ROBO1: variants seen among roughly 807,000 people sequenced by gnomAD.
ROBO1 encodes roundabout guidance receptor 1, also known as roundabout homolog 1.
Under a neutral mutation model 195.9 loss-of-function variants are expected in ROBO1, and 149 were observed. That is an observed-to-expected ratio of 0.76 (90% CI 0.67 to 0.87). The LOEUF (loss-of-function observed/expected upper bound fraction) is 0.87, where lower values mean the gene tolerates loss of function less well. Among genes scored for constraint, ROBO1 ranks in the 40% least tolerant of loss-of-function variants. ROBO1 has a pLI of 0.00. For missense variants in ROBO1, 1,933 were observed against 2,068.3 expected (o/e 0.93, Z 1.27); for synonymous variants, 816 against 733.2 (o/e 1.11, Z -1.82).
At chr3:78,678,544 C>A (rs1277517109) in intron 10 of ROBO1, among the ~76,000 whole-genome samples, 1 of 152,166 alleles carries the variant, frequency 6.6e-6, no homozygotes, top group Non-Finnish European at 1.5e-5. Flanking sequence ...ATACTACAAA[C>A]ACCTCTACGC....
chr3:79,593,405 T>A (rs1944066044), intron 1 of ROBO1, among the ~76,000 whole-genome samples: 1 of 152,050 alleles, frequency 6.6e-6, no homozygotes. Context: ...TTGCTCAACA[T>A]CCTTGCTAGC....
chr3:79,641,490 A>G (rs1447862724), intron 1 of ROBO1, among the ~76,000 whole-genome samples: 1 of 152,054 alleles, frequency 6.6e-6, no homozygotes, highest in Non-Finnish European at 1.5e-5. Context: ...TGGCACATGT[A>G]TACATATGTA....
chr3:79,001,916 T>G (rs1317458458), intron 3 of ROBO1, among the ~76,000 whole-genome samples: 2 of 152,184 alleles, frequency 1.3e-5, no homozygotes, highest in Non-Finnish European at 2.9e-5. Context: ...GAATGTATTA[T>G]TTTTTCTTAG....
chr3:79,620,183 T>C (rs940364581), intron 1 of ROBO1, among the ~76,000 whole-genome samples: 1 of 152,072 alleles, frequency 6.6e-6, no homozygotes, highest in African/African-American at 2.4e-5. Context: ...CCACTGGAAA[T>C]TGGACTGTCT....
chr3:79,068,520 A>G (rs2079037946), intron 3 of ROBO1, among the ~76,000 whole-genome samples: 1 of 151,832 alleles, frequency 6.6e-6, no homozygotes, highest in Non-Finnish European at 1.5e-5. Flanking sequence ...CTCTCTTCCT[A>G]CATAGAATTT....
chr3:79,455,321 T>C (rs2039582416), intron 2 of ROBO1, among the ~76,000 whole-genome samples: 1 of 152,110 alleles, frequency 6.6e-6, no homozygotes, highest in African/African-American at 2.4e-5. Context: ...TACAGCTCAT[T>C]ATGGACCAGA....
chr3:79,321,226 A>G (rs2109129547), intron 2 of ROBO1, among the ~76,000 whole-genome samples: 1 of 152,066 alleles, frequency 6.6e-6, no homozygotes, highest in Middle Eastern at 3.4e-3. Flanking sequence ...ATTGTAAAGT[A>G]TTGCTAGTGT....
At chr3:79,197,747 G>A (rs1014266119) in intron 2 of ROBO1, among the ~76,000 whole-genome samples, 14 of 152,064 alleles carry the variant, frequency 9.2e-5, no homozygotes, top group African/African-American at 3.4e-4. Context: ...GGAGTGAGAT[G>A]ATATCTTATT....
chr3:79,734,108 T>C (rs1436731529), intron 1 of ROBO1, among the ~76,000 whole-genome samples: 1 of 152,004 alleles, frequency 6.6e-6, no homozygotes, highest in Non-Finnish European at 1.5e-5. Context: ...CTACCATGCC[T>C]GGCTAATTTT....
chr3:79,306,576 G>T (rs2033231882), intron 2 of ROBO1, among the ~76,000 whole-genome samples: 1 of 152,114 alleles, frequency 6.6e-6, no homozygotes, highest in South Asian at 2.1e-4. Context: ...CTTTACAAAA[G>T]AAACCCAAAG....
At chr3:79,678,971 G>A (rs1946864280) in intron 1 of ROBO1, among the ~76,000 whole-genome samples, 1 of 151,728 alleles carries the variant, frequency 6.6e-6, no homozygotes, top group African/African-American at 2.4e-5. Flanking sequence ...TATGGAAAAA[G>A]GTAATTAATT....
intron 2 of ROBO1, among the ~76,000 whole-genome samples, chr3:79,362,415 G>A (rs1330194306): frequency 6.6e-6 from 1 of 152,026 alleles, no homozygotes; most frequent in Non-Finnish European, 1.5e-5. Flanking sequence ...CTACAGAAGA[G>A]GAGAGGTTAC....
chr3:79,545,401 A>T (rs192100820), intron 2 of ROBO1, among the ~76,000 whole-genome samples: 1 of 152,318 alleles, frequency 6.6e-6, no homozygotes. Context: ...TAGTATAGAC[A>T]CTAAATAGAC....
intron 4 of ROBO1, among the ~76,000 whole-genome samples, chr3:78,843,907 C>A (rs1329830912): frequency 6.6e-6 from 1 of 152,046 alleles, no homozygotes; most frequent in Non-Finnish European, 1.5e-5. Context: ...ACATTTATTT[C>A]ATTAAGGTGC....
At chr3:79,178,254 G>C (rs1335693172) in intron 2 of ROBO1, among the ~76,000 whole-genome samples, 1 of 152,186 alleles carries the variant, frequency 6.6e-6, no homozygotes, top group African/African-American at 2.4e-5. Context: ...CTAGTGTTGA[G>C]AGTAATCCAT....
In ROBO1 at chr3:79,627,470, C is replaced by T. The variant is rs554386493; in HGVS notation, c.-50-37509G>A. Among the ~76,000 whole-genome samples, 11 of 152,184 alleles carry T rather than the reference C, an allele frequency of 7.2e-5. No individual in the cohort carries two copies. In the South Asian group the frequency reaches 1.2e-3, roughly 17 times the overall value. On this transcript the variant is annotated intron_variant, in intron 1 of 30. Coordinates refer to ENST00000464233, the MANE Select transcript of ROBO1 (RefSeq NM_002941.4). ...CATATGCAGGAAACTGAAATTGGACCCCTCCCTTACATCTTATACAAAAAT... is the reference window on the plus strand; with the variant it reads ...CATATGCAGGAAACTGAAATTGGACTCCTCCCTTACATCTTATACAAAAAT...
At position 79,497,056 on chromosome 3, in the gene ROBO1, A is replaced by G. The variant is rs528639854; in HGVS notation, c.88+92768T>C. The stretch of plus-strand genomic sequence containing the variant: ...ATATTTAGATTTTTTTAAAGTGTAA[A>G]TATTAAAGAATCTGAGGAGAAGCAG... On this transcript the variant is annotated intron_variant, in intron 2 of 30. Transcript: ENST00000464233. Among the ~76,000 whole-genome samples the G allele has an allele frequency of 4.7e-4, 72 of 152,306 alleles. No individual in the cohort carries two copies. In the South Asian group the frequency reaches 0.014, roughly 30 times the overall value.
intron 2 of ROBO1, among the ~76,000 whole-genome samples, chr3:79,528,545 AC>A (rs1430988535): frequency 1.3e-5 from 2 of 152,200 alleles, no homozygotes; most frequent in African/African-American, 4.8e-5. Flanking sequence ...CTTCAATCTC[AC>A]CACTGAGAAT....
intron 2 of ROBO1, among the ~76,000 whole-genome samples, chr3:79,460,349 A>G (rs1937590645): frequency 6.6e-6 from 1 of 152,216 alleles, no homozygotes; most frequent in Non-Finnish European, 1.5e-5. Flanking sequence ...AAAATCTATT[A>G]CCTATCTAAC....
Sources: allele counts gnomAD v4.1 joint callset (sites outside exome capture counted in the v4.1 genomes callset), GRCh38; gene constraint gnomAD v4.1.1; transcripts MANE v1.5; gene names NCBI Gene and HGNC (gene_info 2026-07-23, HGNC 2026-07-21).